Variants in RCL1 observed in about 807,000 individuals in gnomAD.
RCL1 encodes the protein RNA terminal phosphate cyclase like 1.
A neutral mutation model predicts 42.4 loss-of-function variants in RCL1; 24 were observed. That is an observed-to-expected ratio of 0.57 (90% CI 0.41 to 0.80). RCL1 has a LOEUF of 0.80. Ranked by LOEUF, RCL1 falls within the 30% of genes least tolerant of loss-of-function variation. The pLI is 0.00. For missense variants in RCL1, 578 were observed against 467.9 expected, an observed-to-expected ratio of 1.24 and a Z score of -2.17; for synonymous variants, 228 against 177.3, an observed-to-expected ratio of 1.29 and a Z score of -2.27.
At chr9:4,837,742 T>C (rs753470169) in intron 5 of RCL1, among the ~76,000 whole-genome samples, 3 of 152,192 alleles carry the variant, frequency 2.0e-5, no homozygotes, top group Non-Finnish European at 4.4e-5. Flanking sequence ...TGGGTGTAAC[T>C]ATGTTCCTCC....
chr9:4,837,485 A>G (rs1342493021), intron 5 of RCL1, among the ~76,000 whole-genome samples: 1 of 152,002 alleles, frequency 6.6e-6, no homozygotes, highest in Non-Finnish European at 1.5e-5. Flanking sequence ...TGTTTCCTTA[A>G]TGCTGTATTG....
intron 3 of RCL1, among the ~76,000 whole-genome samples, chr9:4,830,732 A>T (rs1024446632): frequency 6.6e-6 from 1 of 152,208 alleles, no homozygotes; most frequent in South Asian, 2.1e-4. Flanking sequence ...TAATTCTTCT[A>T]CCAACCCAGT....
At chr9:4,834,296 T>G (rs755583736) in intron 5 of RCL1, 31 bp downstream of exon 5, 21 of 1,590,542 alleles carry the variant, frequency 1.3e-5, no homozygotes, top group South Asian at 3.4e-5. Context: ...GATTTCTTTT[T>G]TTTTTGTTGT....
intron 1 of RCL1, among the ~76,000 whole-genome samples, 172 bp from the exon 2 acceptor site, chr9:4,823,376 C>T (rs1210601150): frequency 6.6e-6 from 1 of 150,524 alleles, no homozygotes; most frequent in Non-Finnish European, 1.5e-5. Flanking sequence ...TCAACTGCGT[C>T]AGGTTCCTCA....
intron 5 of RCL1, among the ~76,000 whole-genome samples, chr9:4,838,361 C>G (rs1382553510): frequency 6.6e-6 from 1 of 152,212 alleles, no homozygotes; most frequent in African/African-American, 2.4e-5. Flanking sequence ...CTTAATGCCA[C>G]CCACTCTTTC....
At chr9:4,806,779 A>G (rs1815992571) in intron 1 of RCL1, among the ~76,000 whole-genome samples, 1 of 152,138 alleles carries the variant, frequency 6.6e-6, no homozygotes, top group African/African-American at 2.4e-5. Flanking sequence ...GCTAGTTTAA[A>G]TTAAATCAAT....
Position 4,841,909 on chromosome 9 carries a change from C to G in RCL1, c.710+552C>G, listed in dbSNP as rs192386907. Among the ~76,000 whole-genome samples, 7 of 152,280 alleles carry G rather than the reference C, an allele frequency of 4.6e-5. No individual in the cohort carries two copies. In the East Asian group the frequency reaches 9.6e-4, roughly 21 times the overall value. On this transcript the variant is annotated intron_variant, in intron 6 of 8. Transcript: ENST00000381750. ...AAATAAGTTCTTAAAAAATGATGCTCTATGTAATGAAGATACCTGTTTTAG... is the reference window on the plus strand; with the variant it reads ...AAATAAGTTCTTAAAAAATGATGCTGTATGTAATGAAGATACCTGTTTTAG...
At chr9:4,827,603 C>G (rs1217125363) in intron 3 of RCL1, among the ~76,000 whole-genome samples, 3 of 151,832 alleles carry the variant, frequency 2.0e-5, no homozygotes, top group Non-Finnish European at 2.9e-5. Context: ...TTTTTTTCAC[C>G]AAGGGTCATG....
chr9:4,846,327 A>G (rs188428), intron 7 of RCL1, among the ~76,000 whole-genome samples: 5,374 of 152,318 alleles, frequency 0.035, 293 homozygotes, highest in African/African-American at 0.12. Flanking sequence ...TCTACTCGGC[A>G]TTCACCTGGG....
At chr9:4,812,873 T>G (rs989251223) in intron 1 of RCL1, among the ~76,000 whole-genome samples, 2 of 152,204 alleles carry the variant, frequency 1.3e-5, no homozygotes, top group African/African-American at 4.8e-5. Context: ...TTTCTGCTAA[T>G]TCATTGTTAG....
At chr9:4,795,070 T>C (rs182821473) in intron 1 of RCL1, among the ~76,000 whole-genome samples, 35 of 149,246 alleles carry the variant, frequency 2.3e-4, no homozygotes, top group African/African-American at 8.2e-4. Context: ...TAGATGTTTG[T>C]CTGCTTAATT....
intron 5 of RCL1, among the ~76,000 whole-genome samples, chr9:4,838,375 C>G (rs907512918): frequency 6.6e-6 from 1 of 152,214 alleles, no homozygotes; most frequent in Non-Finnish European, 1.5e-5. Context: ...CTCTTTCTCA[C>G]CCCTGCCTTA....
chr9:4,794,850 A>T (rs1361249037), intron 1 of RCL1, among the ~76,000 whole-genome samples: 1 of 152,170 alleles, frequency 6.6e-6, no homozygotes, highest in Non-Finnish European at 1.5e-5. Context: ...TTCTTCCAAG[A>T]ACAGGGCTTG....
intron 3 of RCL1, among the ~76,000 whole-genome samples, chr9:4,828,645 AG>A (rs998956025): frequency 6.6e-5 from 10 of 152,142 alleles, no homozygotes; most frequent in Non-Finnish European, 1.0e-4. Flanking sequence ...GAAGAGAGAA[AG>A]GTGCCTCAAA....
intron 1 of RCL1, among the ~76,000 whole-genome samples, chr9:4,802,756 A>G (rs992146139): frequency 5.3e-5 from 8 of 152,236 alleles, no homozygotes; most frequent in African/African-American, 1.4e-4. Flanking sequence ...GGAATAAACC[A>G]TTTGACAAAT....
chr9:4,808,059 T>A (rs1816043237), intron 1 of RCL1, among the ~76,000 whole-genome samples: 1 of 152,276 alleles, frequency 6.6e-6, no homozygotes, highest in African/African-American at 2.4e-5. Context: ...AAATGTTGAT[T>A]AGATCCTATC....
At chr9:4,818,724 T>C (rs1179706985) in intron 1 of RCL1, among the ~76,000 whole-genome samples, 1 of 151,884 alleles carries the variant, frequency 6.6e-6, no homozygotes, top group Non-Finnish European at 1.5e-5. Context: ...CTACTAAAAA[T>C]AGCTGGACAT....
At chr9:4,849,959 G>A (rs1393849783) in intron 8 of RCL1, among the ~76,000 whole-genome samples, 4 of 152,122 alleles carry the variant, frequency 2.6e-5, no homozygotes, top group African/African-American at 9.7e-5. Context: ...AGCTCACTGG[G>A]AAAGATGACA....
intron 7 of RCL1, among the ~76,000 whole-genome samples, chr9:4,846,279 A>G (rs890848348): frequency 1.3e-5 from 2 of 152,112 alleles, no homozygotes; most frequent in African/African-American, 4.8e-5. Flanking sequence ...AAGACAGTGG[A>G]CCTATAGTTT....
Sources: allele counts gnomAD v4.1 joint callset (sites outside exome capture counted in the v4.1 genomes callset), GRCh38; gene constraint gnomAD v4.1.1; transcripts MANE v1.5; gene names NCBI Gene and HGNC (gene_info 2026-07-23, HGNC 2026-07-21).